The following UGGT2 variants were observed in gnomAD, a reference collection of about 807,000 sequenced individuals.
The protein encoded by UGGT2 is UDP-glucose:glycoprotein glucosyltransferase 2.
Under a neutral mutation model 192.1 loss-of-function variants are expected in UGGT2, and 180 were observed. That is an observed-to-expected ratio of 0.94 (90% CI 0.83 to 1.06). The LOEUF (loss-of-function observed/expected upper bound fraction) is 1.06. Among genes scored for constraint, UGGT2 ranks in the 50% least tolerant of loss-of-function variants. UGGT2 has a pLI of 0.00. For missense variants in UGGT2, 1,849 were observed against 1,795.7 expected, an observed-to-expected ratio of 1.03 and a Z score of -0.54; for synonymous variants, 580 against 591.0, an observed-to-expected ratio of 0.98 and a Z score of 0.27.
chr13:95,863,383 T>C, intron 31 of UGGT2: 2 of 332,728 alleles, frequency 6.0e-6, no homozygotes, highest in South Asian at 1.6e-4. Flanking sequence ...TCAAGGAGTA[T>C]TTCCCAAGGT....
intron 24 of UGGT2, among the ~76,000 whole-genome samples, chr13:95,892,239 C>A (rs2047822334): frequency 6.6e-6 from 1 of 152,120 alleles, no homozygotes; most frequent in South Asian, 2.1e-4. Flanking sequence ...AGCAGAATTC[C>A]ATAGTCCCCA....
intron 38 of UGGT2, among the ~76,000 whole-genome samples, chr13:95,828,427 G>A (rs562236885): frequency 1.6e-4 from 24 of 152,118 alleles, no homozygotes; most frequent in African/African-American, 4.3e-4. Context: ...CCGCTAGCAA[G>A]GCTAATGAAG....
At position 95,940,061 on chromosome 13, in the gene UGGT2, T is replaced by C. The variant is rs749534947; in HGVS notation, c.1708A>G (p.Ile570Val). Residue 570 changes from isoleucine to valine, a missense_variant, in exon 16 of 39, where the codon ATA becomes GTA. Ile to Val is a conservative substitution (Grantham distance 29). Transcript: ENST00000376747. The part of the protein sequence containing the change: ...MYQKVKKDQN[I>V]LTVDNVKSVL... ...CTCTTCACATTGTCCACAGTGAGTATATTTTGATCCTTCTTCACTTTTTGG... is the reference window on the plus strand; with the variant it reads ...CTCTTCACATTGTCCACAGTGAGTACATTTTGATCCTTCTTCACTTTTTGG... 6.5e-6 allele frequency: 10 copies of C among 1,547,956 alleles called. No individual in the cohort carries two copies. Among genetic ancestry groups the C allele is most frequent in the Admixed American group, 5.9e-5 (3 of 50,846 alleles).
At chr13:95,830,217 T>A (rs1011773179) in intron 38 of UGGT2, among the ~76,000 whole-genome samples, 4 of 152,170 alleles carry the variant, frequency 2.6e-5, no homozygotes, top group African/African-American at 9.7e-5. Flanking sequence ...GACACAGGCA[T>A]GGGCAAGGAC....
intron 36 of UGGT2, among the ~76,000 whole-genome samples, chr13:95,848,715 TCTGA>T (rs1173443632): frequency 1.3e-5 from 2 of 152,212 alleles, no homozygotes; most frequent in African/African-American, 4.8e-5. Context: ...TTGCTAGTCT[TCTGA>T]CTTTCTTCTT....
intron 1 of UGGT2, among the ~76,000 whole-genome samples, chr13:96,033,770 C>T (rs1485659817): frequency 6.6e-6 from 1 of 152,208 alleles, no homozygotes; most frequent in Non-Finnish European, 1.5e-5. Context: ...CCTCAGCCCC[C>T]TCCAGACTTT....
At chr13:95,901,631 A>C (rs2048107748) in intron 21 of UGGT2, among the ~76,000 whole-genome samples, 1 of 152,180 alleles carries the variant, frequency 6.6e-6, no homozygotes, top group African/African-American at 2.4e-5. Flanking sequence ...CATGATGATG[A>C]AAATGTTTTC....
At chr13:95,885,322 T>C (rs1337289572) in intron 26 of UGGT2, among the ~76,000 whole-genome samples, 1 of 152,190 alleles carries the variant, frequency 6.6e-6, no homozygotes, top group Non-Finnish European at 1.5e-5. Flanking sequence ...TGTAGTTCTC[T>C]CAAGGCTCAA....
chr13:95,950,896 A>T lies in UGGT2; in HGVS notation c.1336-1442T>A, dbSNP rs144587895. 2.2e-4 allele frequency among the ~76,000 whole-genome samples: 33 copies of T among 152,276 alleles called. No homozygotes were observed. In the East Asian group the frequency reaches 6.4e-3, roughly 29 times the overall value. Reference sequence around the variant, plus strand: ...TAACTAAACTACAAAGAAAAGAATAAACAAACCAAACAAAGTGTGAGAGAG... The same window carrying T: ...TAACTAAACTACAAAGAAAAGAATATACAAACCAAACAAAGTGTGAGAGAG... On this transcript the variant is annotated intron_variant, in intron 12 of 38. Transcript: ENST00000376747.
intron 27 of UGGT2, among the ~76,000 whole-genome samples, chr13:95,882,634 CA>C (rs146724131): frequency 0.011 from 1,666 of 152,272 alleles, 32 homozygotes; most frequent in African/African-American, 0.038. Flanking sequence ...TATGAAGACA[CA>C]GGAAATTTTC....
intron 16 of UGGT2, 115 bp from the exon 17 acceptor site, chr13:95,937,203 T>G: frequency 8.1e-7 from 1 of 1,237,436 alleles, no homozygotes; most frequent in Non-Finnish European, 1.1e-6. Flanking sequence ...ACATCCATTT[T>G]GCTAACTTTA....
intron 38 of UGGT2, among the ~76,000 whole-genome samples, chr13:95,822,661 C>T (rs549092076): frequency 4.6e-5 from 7 of 152,056 alleles, no homozygotes; most frequent in Admixed American, 1.3e-4. Flanking sequence ...GTGATGTCTC[C>T]GGTTTCATTT....
chr13:95,868,085 T>C (rs1437580386), intron 29 of UGGT2, among the ~76,000 whole-genome samples: 1 of 152,216 alleles, frequency 6.6e-6, no homozygotes, highest in East Asian at 1.9e-4. Context: ...TAAAGTTGAA[T>C]TTTGTTGAAG....
intron 31 of UGGT2, among the ~76,000 whole-genome samples, chr13:95,862,972 CCCACCTCAGTCTT>C (rs1377915345): frequency 6.6e-6 from 1 of 152,266 alleles, no homozygotes; most frequent in East Asian, 1.9e-4. Flanking sequence ...AAGCAATCCT[CCCACCTCAGTCTT>C]CTGAGTAACT....
intron 1 of UGGT2, among the ~76,000 whole-genome samples, chr13:96,047,059 C>CA (rs1219258287): frequency 6.6e-6 from 1 of 152,206 alleles, no homozygotes; most frequent in African/African-American, 2.4e-5. Flanking sequence ...CATAACTGAA[C>CA]AAAAGGCAGC....
Position 95,927,643 on chromosome 13 carries a change from T to C in UGGT2, c.1978-307A>G, listed in dbSNP as rs149029402. On this transcript the variant is annotated intron_variant, in intron 17 of 38. Coordinates refer to ENST00000376747, the MANE Select transcript of UGGT2 (RefSeq NM_020121.4). Reference sequence around the variant, plus strand: ...TCACTGAATTTTTTTGTTTGTTTGTTTGTTTGCTTTTTTGTTGTTTTTTTA... The same window carrying C: ...TCACTGAATTTTTTTGTTTGTTTGTCTGTTTGCTTTTTTGTTGTTTTTTTA... 5.3e-5 allele frequency among the ~76,000 whole-genome samples: 8 copies of C among 152,230 alleles called. No individual in the cohort carries two copies. The East Asian group carries it at 1.5e-3, about 29-fold the overall frequency.
chr13:95,840,084 T>C (rs1464506336), intron 36 of UGGT2, among the ~76,000 whole-genome samples: 1 of 152,040 alleles, frequency 6.6e-6, no homozygotes, highest in Non-Finnish European at 1.5e-5. Flanking sequence ...TGTAAAACCA[T>C]AAAAACCCTA....
At chr13:95,948,129 C>A in intron 13 of UGGT2, 48 bp from the exon 14 acceptor site, 1 of 1,440,914 alleles carries the variant, frequency 6.9e-7, no homozygotes, top group Non-Finnish European at 9.5e-7. Context: ...TTAGAATCTT[C>A]ATGAAATTCA....
intron 36 of UGGT2, among the ~76,000 whole-genome samples, chr13:95,852,605 TAGC>T (rs1889162046): frequency 6.6e-6 from 1 of 152,220 alleles, no homozygotes; most frequent in African/African-American, 2.4e-5. Flanking sequence ...ATCTGGCACA[TAGC>T]AGGTATTCAA....
Sources: allele counts gnomAD v4.1 joint callset (sites outside exome capture counted in the v4.1 genomes callset), GRCh38; gene constraint gnomAD v4.1.1; transcripts MANE v1.5; gene names NCBI Gene and HGNC (gene_info 2026-07-23, HGNC 2026-07-21).